The following GLS variants were observed in gnomAD, a reference collection of about 807,000 sequenced individuals.
GLS encodes glutaminase kidney isoform, mitochondrial.
Under a neutral mutation model 86.7 loss-of-function variants are expected in GLS, and 36 were observed. The ratio of observed to expected loss-of-function variants is 0.42; its 90% CI spans 0.32 to 0.55. The LOEUF is 0.55. GLS is among the 20% of genes least tolerant of loss of function. The pLI, the probability that GLS is intolerant of heterozygous loss-of-function variation, is 0.17. For missense variants in GLS, 528 were observed against 833.4 expected (o/e 0.63, Z 4.51); for synonymous variants, 317 against 305.9 (o/e 1.04, Z -0.38).
At position 190,954,680 on chromosome 2, in the gene GLS, T is replaced by A. The variant is rs1328949653; in HGVS notation, c.1789+20T>A. Reference sequence around the variant, plus strand: ...CAGAGGGTAATACAGGAACTACTCCTATCTATTTTCTTTCCAGATTTAATT... The same window carrying A: ...CAGAGGGTAATACAGGAACTACTCCAATCTATTTTCTTTCCAGATTTAATT... On this transcript the variant is annotated intron_variant, in intron 16 of 17. Transcript: ENST00000320717. This position sits in a 1 kb window ranked among gnomAD's most constrained non-coding sequence, Gnocchi z 4.0. The A allele has an allele frequency of 7.5e-6, 12 of 1,607,080 alleles. No homozygotes were observed. The highest frequency in any genetic ancestry group is 1.3e-5 in the African/African-American group (1 of 74,826).
At chr2:190,941,772 A>G (rs1690440628) in intron 14 of GLS, among the ~76,000 whole-genome samples, 1 of 152,180 alleles carries the variant, frequency 6.6e-6, no homozygotes, top group Admixed American at 6.5e-5. Flanking sequence ...GGTGAGGTGG[A>G]TGGAGATTGG....
intron 4 of GLS, 30 bp from the exon 5 acceptor site, chr2:190,901,917 C>T (rs551776675): frequency 1.4e-5 from 18 of 1,265,618 alleles, no homozygotes; most frequent in Non-Finnish European, 1.9e-5. Context: ...AATATTATAT[C>T]TATTCATTTC....
intron 9 of GLS, 66 bp from the exon 10 acceptor site, chr2:190,923,851 G>C: frequency 1.0e-6 from 1 of 976,986 alleles, no homozygotes; most frequent in Non-Finnish European, 1.6e-6. Context: ...CTATGCAAAT[G>C]AAATTATGAA....
intron 11 of GLS, 89 bp from the exon 12 acceptor site, chr2:190,927,217 T>G: frequency 2.1e-6 from 2 of 937,754 alleles, no homozygotes; most frequent in Non-Finnish European, 1.6e-6. Flanking sequence ...ATTTCAGATC[T>G]GTATGAAATA....
intron 3 of GLS, among the ~76,000 whole-genome samples, chr2:190,899,350 A>G (rs1282156648): frequency 2.6e-5 from 4 of 152,072 alleles, no homozygotes; most frequent in African/African-American, 9.7e-5. Flanking sequence ...GGGGATCCTT[A>G]TGACTGAAAC....
At position 190,880,983 on chromosome 2, in the gene GLS, G is replaced by A; in HGVS notation, c.-102G>A. On this transcript the variant is annotated 5_prime_UTR_variant, in exon 1 of 18. Transcript: ENST00000320717. ...CCAAGTAGCTGCCCTTTCCTCTTCT[G>A]TCATCTCACCGCCCCACCACAGACC... 2.3e-6 allele frequency: 3 copies of A among 1,332,688 alleles called. No homozygotes were observed. Among genetic ancestry groups the A allele is most frequent in the South Asian group, 1.3e-5 (1 of 79,274 alleles). The allele number at this position is 1,332,688 out of a possible 1,614,324, so 82.6% of individuals were successfully genotyped here.
At chr2:190,952,071 C>T (rs953931742) in intron 14 of GLS, among the ~76,000 whole-genome samples, 1 of 152,164 alleles carries the variant, frequency 6.6e-6, no homozygotes, top group African/African-American at 2.4e-5. Flanking sequence ...GCATTTACCT[C>T]CTTTCCCTAA....
Position 190,905,452 on chromosome 2 carries a change from G to T in GLS, c.979+285G>T, listed in dbSNP as rs951570653. 6.6e-6 allele frequency among the ~76,000 whole-genome samples: 1 copy of T among 152,022 alleles called. No homozygotes were observed. The highest frequency in any genetic ancestry group is 2.4e-5 in the African/African-American group (1 of 41,424). On this transcript the variant is annotated intron_variant, in intron 6 of 17. Transcript: ENST00000320717. The surrounding 1 kb of genome is among the most constrained non-coding windows in gnomAD (Gnocchi z 4.6). ...ATGAGATTTGCTTTAAAATAATTTA[G>T]TTAAGGCAGCTGGGAGTGCTGGGTA... is the stretch of plus-strand genomic sequence containing the variant.
chr2:190,943,954 T>C lies in GLS; in HGVS notation c.1651-9611T>C, dbSNP rs1034738229. ...TTAGTATTGTGGGTTGGAATAACTA[T>C]AGAAAACTCAAGTCCATGTGCCTGG... On this transcript the variant is annotated intron_variant, in intron 14 of 17. Coordinates refer to ENST00000320717, the MANE Select transcript of GLS (RefSeq NM_014905.5). The surrounding 1 kb of genome is among the most constrained non-coding windows in gnomAD (Gnocchi z 4.5). 6.6e-6 allele frequency among the ~76,000 whole-genome samples: 1 copy of C among 152,180 alleles called. No individual in the cohort carries two copies. The highest frequency in any genetic ancestry group is 1.5e-5 in the Non-Finnish European group (1 of 68,026).
intron 7 of GLS, among the ~76,000 whole-genome samples, chr2:190,915,858 C>T (rs1010719778): frequency 6.6e-5 from 10 of 152,072 alleles, no homozygotes; most frequent in Non-Finnish European, 2.9e-5. Context: ...AGGTTGTTTC[C>T]AGTTCTTTGG....
Position 190,927,426 on chromosome 2 carries a change from T to C in GLS, c.1369T>C (p.Leu457=). ...VLSPEAVRNT[L]SLMHSCGMYD... ...GAGCCCTGAAGCAGTTCGAAATACA[T>C]TGAGTTTGATGCATTCCTGTGGCAT... is the stretch of plus-strand genomic sequence containing the variant. Residue 457 remains leucine, a synonymous_variant, in exon 12 of 18, where the codon TTG becomes CTG. Coordinates refer to ENST00000320717, the MANE Select transcript of GLS (RefSeq NM_014905.5). The C allele has an allele frequency of 3.7e-6, 6 of 1,613,900 alleles. No individual in the cohort carries two copies. The highest frequency in any genetic ancestry group is 5.1e-6 in the Non-Finnish European group (6 of 1,179,848).
rs892166871 is a variant in GLS at position 190,953,939 on chromosome 2, C to T, written c.1712+313C>T. ...TCACTCCCTGTCTACCCTCCATTCC[C>T]AATCTTTGATATGTGTGTGTGTGTG... On this transcript the variant is annotated intron_variant, in intron 15 of 17. Coordinates refer to ENST00000320717, the MANE Select transcript of GLS (RefSeq NM_014905.5). The surrounding 1 kb of genome is among the most constrained non-coding windows in gnomAD (Gnocchi z 4.0). Among the ~76,000 whole-genome samples, 2 of 145,746 alleles carry T rather than the reference C, an allele frequency of 1.4e-5. No homozygotes were observed. The highest frequency in any genetic ancestry group is 3.0e-5 in the Non-Finnish European group (2 of 66,734).
In GLS at chr2:190,881,463, G is replaced by A; in HGVS notation, c.379G>A (p.Gly127Ser). The change falls in exon 1 of 18, where the codon GGT (glycine) becomes AGT (serine). Residue 127 changes from glycine (G) to serine (S), a missense_variant. Physicochemically the swap from Gly to Ser is moderately conservative, Grantham distance 56. Coordinates refer to ENST00000320717, the MANE Select transcript of GLS (RefSeq NM_014905.5). ...CGAGGGCAAAGAGCTGGTGGCCTCA[G>A]GTGAAAAGTGAGTGTCTCCGCGAGG... The part of the protein sequence containing the change: ...NSEGKELVAS[G>S]ENKIKQGLLP... 1 of 1,540,266 alleles carries A rather than the reference G, an allele frequency of 6.5e-7. No individual in the cohort carries two copies. Among genetic ancestry groups the A allele is most frequent in the Non-Finnish European group, 8.8e-7 (1 of 1,142,430 alleles).
intron 3 of GLS, among the ~76,000 whole-genome samples, chr2:190,899,318 A>G (rs755753199): frequency 2.8e-4 from 42 of 152,128 alleles, no homozygotes; most frequent in Non-Finnish European, 5.4e-4. Context: ...TTAGGACTGT[A>G]ATTTTTTTAA....
intron 14 of GLS, chr2:190,933,483 A>G (rs1690173188): frequency 1.3e-5 from 11 of 877,474 alleles, no homozygotes; most frequent in Admixed American, 6.2e-5. Context: ...TATGACTCCT[A>G]CTTTTTTTAT....
intron 6 of GLS, 38 bp from the exon 7 acceptor site, chr2:190,910,225 A>AC (rs1689309359): frequency 8.9e-7 from 1 of 1,121,130 alleles, no homozygotes; most frequent in Admixed American, 1.9e-5. Context: ...CAAGTGTTTA[A>AC]GTATTTGAAA....
chr2:190,907,444 C>T (rs954865116), intron 6 of GLS, among the ~76,000 whole-genome samples: 7 of 151,444 alleles, frequency 4.6e-5, no homozygotes, highest in Non-Finnish European at 1.5e-5. Context: ...TCAGTAGAGA[C>T]GGGGTTTCTC....
Position 190,880,890 on chromosome 2 carries a change from A to AGCG in GLS, c.-193_-192insGGC, listed in dbSNP as rs1346516832. 43 of 478,738 alleles carry AGCG rather than the reference A, an allele frequency of 9.0e-5. No homozygotes were observed. In the South Asian group the frequency reaches 9.1e-4, roughly 10 times the overall value. 29.7% of individuals were successfully genotyped at this position (478,738 alleles called of 1,614,324 possible). On this transcript the variant is annotated 5_prime_UTR_variant, in exon 1 of 18. Transcript: ENST00000320717. ...CCTAGCGCGCAGCAGCAGCAGCAGC[A>AGCG]GCAGCAGCAGCAGCAGCAGCAGCAG...
At position 190,947,674 on chromosome 2, in the gene GLS, C is replaced by T. The variant is rs1447353063; in HGVS notation, c.1651-5891C>T. ...CCATGCCTCTGGCATTTACTGTTAA[C>T]CCATTATTTTCTGGACTTTGGCCTC... is the stretch of plus-strand genomic sequence containing the variant. On this transcript the variant is annotated intron_variant, in intron 14 of 17. Transcript: ENST00000320717. The surrounding 1 kb of genome is among the most constrained non-coding windows in gnomAD (Gnocchi z 5.0). 6.6e-6 allele frequency among the ~76,000 whole-genome samples: 1 copy of T among 152,118 alleles called. No individual in the cohort carries two copies. The highest frequency in any genetic ancestry group is 6.5e-5 in the Admixed American group (1 of 15,268).
Sources: gnomAD v4.1 joint callset for allele counts (sites outside exome capture counted in the v4.1 genomes callset) on GRCh38, gnomAD v4.1.1 for gene constraint, Gnocchi (gnomAD v3.1) non-coding constraint, MANE v1.5 for transcripts, NCBI Gene and HGNC (gene_info 2026-07-23, HGNC 2026-07-21) for gene names.